GNE: variants seen among roughly 807,000 people sequenced by gnomAD.
GNE encodes glucosamine (UDP-N-acetyl)-2-epimerase/N-acetylmannosamine kinase.
In GNE, 41 loss-of-function variants were observed where a neutral mutation model predicts 61.8. The ratio of observed to expected loss-of-function variants is 0.66; its 90% CI spans 0.52 to 0.86. The LOEUF (loss-of-function observed/expected upper bound fraction) is 0.86, where lower values mean the gene tolerates loss of function less well. Among genes scored for constraint, GNE ranks in the 40% least tolerant of loss-of-function variants. GNE has a pLI of 0.00. For missense variants in GNE, 608 were observed against 909.1 expected (o/e 0.67, Z 4.26); for synonymous variants, 264 against 326.4 (o/e 0.81, Z 2.06).
upstream of GNE, among the ~76,000 whole-genome samples, chr9:36,260,004 G>A (rs1351763674): frequency 6.6e-6 from 1 of 151,988 alleles, no homozygotes; most frequent in Non-Finnish European, 1.5e-5. Context: ...TGTGGAGAAT[G>A]GATTGGTAGC....
intron 1 of GNE, among the ~76,000 whole-genome samples, chr9:36,265,737 T>C (rs4879968): frequency 0.78 from 118,956 of 151,966 alleles, 47,146 homozygotes; most frequent in African/African-American, 0.85. Flanking sequence ...GAAACTGTTC[T>C]ACCTGAGATC....
intron 1 of GNE, among the ~76,000 whole-genome samples, chr9:36,269,556 A>G (rs1830941967): frequency 6.6e-6 from 1 of 151,920 alleles, no homozygotes; most frequent in Non-Finnish European, 1.5e-5. Flanking sequence ...CAGACTCAAA[A>G]TCATGGAGTC....
chr9:36,222,069 T>G (rs1828610395), intron 9 of GNE, among the ~76,000 whole-genome samples: 1 of 152,118 alleles, frequency 6.6e-6, no homozygotes, highest in African/African-American at 2.4e-5. Flanking sequence ...CCTGCTTTCA[T>G]CTTAACTAAC....
chr9:36,222,418 C>CA (rs753437656), intron 9 of GNE, among the ~76,000 whole-genome samples: 61,670 of 116,934 alleles, frequency 0.53, 15,655 homozygotes, highest in Non-Finnish European at 0.62. Context: ...GACTCCGTCT[C>CA]AAAAAAAAAA....
chr9:36,246,946 C>T (rs1007297408), intron 2 of GNE, among the ~76,000 whole-genome samples: 5 of 151,874 alleles, frequency 3.3e-5, no homozygotes, highest in Admixed American at 6.6e-5. Flanking sequence ...TGGGATTACA[C>T]GCGTGAGCGA....
At chr9:36,263,478 T>G (rs1273288215) in intron 1 of GNE, 1 of 154,900 alleles carries the variant, frequency 6.5e-6, no homozygotes, top group African/African-American at 2.4e-5. Context: ...AGTCATCATT[T>G]TTTGGTTAAG....
intron 1 of GNE, chr9:36,267,716 AAT>A (rs772309225): frequency 1.3e-5 from 2 of 150,364 alleles, no homozygotes; most frequent in Admixed American, 6.6e-5. Flanking sequence ...AAACAAACAA[AAT>A]ATATATATAT....
chr9:36,274,660 C>T (rs562484019), intron 1 of GNE, among the ~76,000 whole-genome samples: 2 of 152,066 alleles, frequency 1.3e-5, no homozygotes, highest in East Asian at 3.9e-4. Flanking sequence ...TGTAGTCTTC[C>T]TTATATCTCA....
At chr9:36,253,466 C>T (rs13287940) in intron 1 of GNE, among the ~76,000 whole-genome samples, 81,654 of 150,256 alleles carry the variant, frequency 0.54, 23,481 homozygotes, top group Non-Finnish European at 0.65. Flanking sequence ...TTAGCAGAGA[C>T]GGGGTTTCAC....
In GNE at chr9:36,229,082, C is replaced by G; in HGVS notation, c.1009G>C (p.Ala337Pro). The G allele has an allele frequency of 6.2e-7, 1 of 1,609,050 alleles. No individual in the cohort carries two copies. Among genetic ancestry groups the G allele is most frequent in the Non-Finnish European group, 8.5e-7 (1 of 1,175,434 alleles). Residue 337 changes from alanine to proline, a missense_variant, in exon 6 of 12, where the codon GCT becomes CCT. Transcript: ENST00000642385. ...TGENVLHVRDADTQDKILQAL... is the reference protein window; with the variant it reads ...TGENVLHVRDPDTQDKILQAL... ...TGCAATATTTTGTCTTGGGTGTCAG[C>G]ATCCCGGACATGAAGAACATTCTCC...
intron 1 of GNE, among the ~76,000 whole-genome samples, chr9:36,255,260 T>G (rs900374939): frequency 2.0e-5 from 3 of 152,058 alleles, no homozygotes; most frequent in Non-Finnish European, 4.4e-5. Flanking sequence ...CAGGCTGGAG[T>G]GCAGTGGTGC....
intron 1 of GNE, among the ~76,000 whole-genome samples, chr9:36,254,262 C>A (rs546995830): frequency 6.6e-6 from 1 of 151,710 alleles, no homozygotes; most frequent in South Asian, 2.1e-4. Context: ...CATGGTGGCT[C>A]ATGCCTGTAA....
intron 5 of GNE, among the ~76,000 whole-genome samples, chr9:36,231,111 A>G (rs10972802): frequency 1.1e-5 from 1 of 91,082 alleles, no homozygotes; most frequent in Non-Finnish European, 2.3e-5. Context: ...GAGAAAGAGA[A>G]AGAAAGAAAG....
intron 1 of GNE, among the ~76,000 whole-genome samples, chr9:36,273,242 A>G (rs1308273370): frequency 3.4e-5 from 5 of 148,730 alleles, no homozygotes; most frequent in Non-Finnish European, 6.0e-5. Flanking sequence ...TTTTGAGACA[A>G]TGTCTCACTC....
intron 7 of GNE, among the ~76,000 whole-genome samples, chr9:36,224,453 C>T (rs1262994252): frequency 6.6e-6 from 1 of 151,966 alleles, no homozygotes; most frequent in African/African-American, 2.4e-5. Context: ...AACAAAAAAA[C>T]ACTGAGGCAA....
rs547919665 is a variant in GNE, at chr9:36,219,838, C to T, written c.1816G>A (p.Glu606Lys). 4 of 1,613,758 alleles carry T rather than the reference C, an allele frequency of 2.5e-6. No individual in the cohort carries two copies. The highest frequency in any genetic ancestry group is 3.3e-5 in the Admixed American group (2 of 60,018). The change falls in exon 10 of 12, where the codon GAG (glutamate) becomes AAG (lysine). Residue 606 changes from glutamate to lysine, a missense_variant and splice_region_variant. Glu to Lys is a moderately conservative substitution (Grantham distance 56, BLOSUM62 1). Transcript: ENST00000642385. ...AATTCCTCGAGAGAGGGACACCAAC[C>T]ATCATGGAGCTTTTTTGCCTCCCTC... Reference protein sequence around the residue: ...LQREAKKLHDEDLLLVEGMSV... With the variant: ...LQREAKKLHDKDLLLVEGMSV...
intron 3 of GNE, among the ~76,000 whole-genome samples, chr9:36,243,197 A>C (rs963357933): frequency 2.6e-4 from 40 of 152,110 alleles, no homozygotes; most frequent in Admixed American, 2.2e-3. Flanking sequence ...GGCACACACC[A>C]TCACACCCGG....
At chr9:36,275,839 T>C (rs1831241685) in intron 1 of GNE, among the ~76,000 whole-genome samples, 1 of 152,118 alleles carries the variant, frequency 6.6e-6, no homozygotes, top group Non-Finnish European at 1.5e-5. Context: ...GAGTAAACTG[T>C]GTTGGCAATA....
intron 1 of GNE, among the ~76,000 whole-genome samples, chr9:36,275,944 A>G (rs1235566843): frequency 6.6e-6 from 1 of 152,170 alleles, no homozygotes; most frequent in Non-Finnish European, 1.5e-5. Context: ...AGGCCAAGCC[A>G]GGAACATCAC....
Sources: gnomAD v4.1 joint callset for allele counts (sites outside exome capture counted in the v4.1 genomes callset) on GRCh38, gnomAD v4.1.1 for gene constraint, MANE v1.5 for transcripts, NCBI Gene and HGNC (gene_info 2026-07-23, HGNC 2026-07-21) for gene names.